PDHX: variants seen among roughly 807,000 people sequenced by gnomAD.
PDHX encodes pyruvate dehydrogenase complex component X.
PDHX carries 33 observed loss-of-function variants against 55.3 expected under a neutral mutation model. The observed-to-expected ratio is 0.60, with a 90% CI of 0.45 to 0.80. PDHX has a LOEUF of 0.80. Ranked by LOEUF, PDHX falls within the 30% of genes least tolerant of loss-of-function variation. The probability of loss-of-function intolerance (pLI) is 0.00; values close to 1 mark genes in which losing one functional copy is unlikely to be tolerated. For synonymous variants in PDHX, 226 were observed against 219.4 expected (o/e 1.03, Z -0.27); for missense variants, 622 against 619.9 (o/e 1.00, Z -0.04).
intron 5 of PDHX, among the ~76,000 whole-genome samples, chr11:34,966,357 A>G (rs1380726488): frequency 1.3e-5 from 2 of 152,230 alleles, no homozygotes; most frequent in African/African-American, 2.4e-5. Context: ...ACAGAAAAAA[A>G]GACTAATTTC....
chr11:34,933,292 A>T (rs569390035), intron 2 of PDHX, among the ~76,000 whole-genome samples: 6 of 152,188 alleles, frequency 3.9e-5, no homozygotes, highest in Non-Finnish European at 5.9e-5. Context: ...TTACATAACC[A>T]TACAGAGAGG....
At chr11:34,921,085 T>C (rs1853867791) in intron 1 of PDHX, among the ~76,000 whole-genome samples, 1 of 152,232 alleles carries the variant, frequency 6.6e-6, no homozygotes, top group South Asian at 2.1e-4. Flanking sequence ...AAGATTGATA[T>C]TCTCCTTTGA....
Position 34,987,153 on chromosome 11 carries a change from G to A in PDHX, c.1182+2425G>A, listed in dbSNP as rs73449615. On this transcript the variant is annotated intron_variant, in intron 9 of 10. Transcript: ENST00000227868. ...TACCACCTCTCTCCTTGCTTTTACTGTTTACCTTTCTTTTTTCCTGTCTAA... is the reference window on the plus strand; with the variant it reads ...TACCACCTCTCTCCTTGCTTTTACTATTTACCTTTCTTTTTTCCTGTCTAA... Among the ~76,000 whole-genome samples the A allele has an allele frequency of 9.5e-3, 1,451 of 152,234 alleles. 22 individuals are homozygous for A. Among genetic ancestry groups the A allele is most frequent in the African/African-American group, 0.033 (1,377 of 41,542 alleles).
At chr11:34,939,469 GT>G (rs1367190273) in intron 2 of PDHX, among the ~76,000 whole-genome samples, 4 of 528 alleles carry the variant, frequency 7.6e-3, no homozygotes, top group East Asian at 0.024. Context: ...TTTACTAATG[GT>G]GTGTGTGTGT....
At chr11:34,960,974 C>CT (rs1301084075) in intron 5 of PDHX, among the ~76,000 whole-genome samples, 3 of 152,160 alleles carry the variant, frequency 2.0e-5, no homozygotes, top group Admixed American at 6.5e-5. Flanking sequence ...TTCTATTTCA[C>CT]TGATCCATCT....
At chr11:34,947,991 C>T (rs374930115) in intron 3 of PDHX, among the ~76,000 whole-genome samples, 1 of 152,124 alleles carries the variant, frequency 6.6e-6, no homozygotes, top group Non-Finnish European at 1.5e-5. Context: ...TATGGTGGAG[C>T]ATCTAAGACT....
Position 34,966,812 on chromosome 11 carries a change from G to A in PDHX, c.814G>A (p.Val272Met). 3 of 1,612,122 alleles carry A rather than the reference G, an allele frequency of 1.9e-6. No individual in the cohort carries two copies. The highest frequency in any genetic ancestry group is 2.5e-6 in the Non-Finnish European group (3 of 1,178,292). The change falls in exon 6 of 11, where the codon GTG becomes ATG. Residue 272 changes from valine (V) to methionine (M), a missense_variant and splice_region_variant. Coordinates refer to ENST00000227868, the MANE Select transcript of PDHX (RefSeq NM_003477.3). ...PVSTPGQPNAVGTFTEIPASN... is the reference protein window; with the variant it reads ...PVSTPGQPNAMGTFTEIPASN... ...ATCAACTCCTGGACAACCCAATGCA[G>A]TGGTAGTGTTCTCTAAGTGGATTTT...
At chr11:34,953,896 C>T (rs1854842436) in intron 3 of PDHX, among the ~76,000 whole-genome samples, 1 of 152,212 alleles carries the variant, frequency 6.6e-6, no homozygotes, top group Non-Finnish European at 1.5e-5. Context: ...GTGCTTGGCA[C>T]TTGAAAGCCA....
intron 3 of PDHX, among the ~76,000 whole-genome samples, chr11:34,949,719 C>T (rs1225694382): frequency 6.6e-6 from 1 of 152,080 alleles, no homozygotes. Context: ...TCTAATTTGG[C>T]TTCCAGTGTA....
intron 2 of PDHX, among the ~76,000 whole-genome samples, chr11:34,940,651 T>C (rs1413187325): frequency 2.0e-5 from 3 of 152,226 alleles, no homozygotes; most frequent in African/African-American, 4.8e-5. Context: ...ATCACCACAA[T>C]CCAGTTTTAG....
chr11:34,986,132 C>G (rs1855636910), intron 9 of PDHX, among the ~76,000 whole-genome samples: 1 of 152,060 alleles, frequency 6.6e-6, no homozygotes, highest in Non-Finnish European at 1.5e-5. Context: ...TGGCGAAACC[C>G]CATTTCTACT....
At chr11:34,973,089 G>A (rs571357226) in intron 7 of PDHX, among the ~76,000 whole-genome samples, 3 of 151,984 alleles carry the variant, frequency 2.0e-5, no homozygotes, top group Non-Finnish European at 4.4e-5. Context: ...CAGCTCTGTC[G>A]GTTTTTGCTT....
intron 4 of PDHX, among the ~76,000 whole-genome samples, chr11:34,960,126 G>T (rs1002774263): frequency 6.6e-6 from 1 of 152,194 alleles, no homozygotes; most frequent in African/African-American, 2.4e-5. Flanking sequence ...ATTGGTAGTT[G>T]TGATGAGCAC....
At chr11:34,987,509 G>A (rs1855671774) in intron 9 of PDHX, among the ~76,000 whole-genome samples, 1 of 152,164 alleles carries the variant, frequency 6.6e-6, no homozygotes, top group South Asian at 2.1e-4. Flanking sequence ...ATGTGTGTGT[G>A]TGTATGTGTA....
At chr11:34,976,329 A>G (rs1039748720) in intron 7 of PDHX, among the ~76,000 whole-genome samples, 1 of 152,210 alleles carries the variant, frequency 6.6e-6, no homozygotes, top group Non-Finnish European at 1.5e-5. Flanking sequence ...ATATTACCTT[A>G]CAAACTGTTT....
intron 3 of PDHX, among the ~76,000 whole-genome samples, chr11:34,955,025 T>G (rs994569572): frequency 6.6e-6 from 1 of 152,214 alleles, no homozygotes; most frequent in Non-Finnish European, 1.5e-5. Flanking sequence ...GAGCTCTAAG[T>G]TGATAGAGCT....
At chr11:34,934,410 G>C (rs978940914) in intron 2 of PDHX, among the ~76,000 whole-genome samples, 1 of 152,026 alleles carries the variant, frequency 6.6e-6, no homozygotes, top group African/African-American at 2.4e-5. Flanking sequence ...ATAAATTTCA[G>C]GGTGGTAGGG....
chr11:34,923,071 A>G (rs1853935288), intron 1 of PDHX, among the ~76,000 whole-genome samples: 1 of 152,174 alleles, frequency 6.6e-6, no homozygotes, highest in African/African-American at 2.4e-5. Context: ...TTTCATTCAA[A>G]GGAAATGCAT....
At position 34,966,718 on chromosome 11, in the gene PDHX, T is replaced by TC; in HGVS notation, c.723dup (p.Thr242HisfsTer36). The TC allele has an allele frequency of 6.2e-7, 1 of 1,614,098 alleles. No homozygotes were observed. The highest frequency in any genetic ancestry group is 8.5e-7 in the Non-Finnish European group (1 of 1,179,998). On this transcript the variant is annotated frameshift_variant, in exon 6 of 11. Coordinates refer to ENST00000227868, the MANE Select transcript of PDHX (RefSeq NM_003477.3). LOFTEE classifies it high-confidence loss of function. ...GACCAACTCCAGCCCCCACAGCCAC[T>TC]CCCACAGCACCTTCGCCCCTACAGG...
Sources: gnomAD v4.1 joint callset for allele counts (sites outside exome capture counted in the v4.1 genomes callset) on GRCh38, gnomAD v4.1.1 for gene constraint, MANE v1.5 for transcripts, NCBI Gene and HGNC (gene_info 2026-07-23, HGNC 2026-07-21) for gene names.